SRSF11: variants seen among roughly 807,000 people sequenced by gnomAD.
SRSF11 encodes serine and arginine rich splicing factor 11.
In SRSF11, 9 loss-of-function variants were observed where a neutral mutation model predicts 56.0. That is an observed-to-expected ratio of 0.16 (90% CI 0.10 to 0.28). SRSF11 has a LOEUF of 0.28. SRSF11 is among the 10% of genes least tolerant of loss of function. The probability of loss-of-function intolerance (pLI) is 1.00; values close to 1 mark genes in which losing one functional copy is unlikely to be tolerated. For missense variants in SRSF11, 421 were observed against 600.7 expected (o/e 0.70, Z 3.13); for synonymous variants, 222 against 215.3 (o/e 1.03, Z -0.27).
intron 5 of SRSF11, among the ~76,000 whole-genome samples, chr1:70,236,123 G>A (rs959173238): frequency 4.6e-5 from 7 of 152,136 alleles, no homozygotes; most frequent in South Asian, 2.1e-4. Context: ...GGACAGAATC[G>A]TTGGACTTCA....
At chr1:70,250,153 GT>G in intron 10 of SRSF11, 106 bp downstream of exon 10, 4 of 1,282,576 alleles carry the variant, frequency 3.1e-6, no homozygotes, top group Admixed American at 2.1e-5. Flanking sequence ...TCTTAAGAAT[GT>G]TTTAATGTAT....
In SRSF11 at chr1:70,251,002, T is replaced by G; in HGVS notation, c.*197T>G. The G allele has an allele frequency of 1.9e-6, 1 of 528,586 alleles. No homozygotes were observed. Among genetic ancestry groups the G allele is most frequent in the Non-Finnish European group, 3.4e-6 (1 of 298,456 alleles). The allele number at this position is 528,586 out of a possible 1,614,324, so 32.7% of individuals were successfully genotyped here. On this transcript the variant is annotated 3_prime_UTR_variant, in exon 12 of 12. Transcript: ENST00000370949. Reference sequence around the variant, plus strand: ...AAAATGGTACGAGGTAACCAATTCTTGTCATGGTGAAATCTGATTGAGTAA... The same window carrying G: ...AAAATGGTACGAGGTAACCAATTCTGGTCATGGTGAAATCTGATTGAGTAA...
At chr1:70,218,170 A>G (rs185927734), upstream of SRSF11, among the ~76,000 whole-genome samples, 1,238 of 152,124 alleles carry the variant, frequency 8.1e-3, 22 homozygotes, top group African/African-American at 0.029. Context: ...GGGTTTCACC[A>G]TGTTAGCCAG....
intron 1 of SRSF11, among the ~76,000 whole-genome samples, chr1:70,210,062 ATTCT>A (rs1406837275): frequency 1.3e-5 from 2 of 151,998 alleles, no homozygotes; most frequent in East Asian, 1.9e-4. Flanking sequence ...GCATTTGTAT[ATTCT>A]TTGTTTTCTC....
chr1:70,247,195 C>G, intron 9 of SRSF11: 4 of 756,128 alleles, frequency 5.3e-6, no homozygotes, highest in Middle Eastern at 5.7e-4. Flanking sequence ...CTAAACCATA[C>G]TGAATTGTTC....
intron 2 of SRSF11, chr1:70,231,252 C>T (rs1216430645): frequency 8.3e-7 from 1 of 1,198,378 alleles, no homozygotes; most frequent in African/African-American, 1.6e-5. Context: ...TACAGAAATA[C>T]TACTGGTATT....
chr1:70,231,765 G>A, intron 2 of SRSF11: 7 of 1,272,078 alleles, frequency 5.5e-6, no homozygotes, highest in Non-Finnish European at 6.1e-6. Flanking sequence ...TATGGTAGGT[G>A]TAAAAGAAAA....
chr1:70,207,992 A>G (rs1571535363), intron 1 of SRSF11, among the ~76,000 whole-genome samples: 1 of 152,222 alleles, frequency 6.6e-6, no homozygotes, highest in Non-Finnish European at 1.5e-5. Flanking sequence ...GATTACAGGC[A>G]TGAGCCACCT....
intron 1 of SRSF11, among the ~76,000 whole-genome samples, chr1:70,209,445 T>G (rs1669340048): frequency 6.6e-6 from 1 of 152,222 alleles, no homozygotes; most frequent in Non-Finnish European, 1.5e-5. Flanking sequence ...TTCAGAATAT[T>G]GCCTTATGTA....
chr1:70,207,006 T>C (rs1669103413), intron 1 of SRSF11, among the ~76,000 whole-genome samples: 2 of 150,008 alleles, frequency 1.3e-5, no homozygotes, highest in African/African-American at 4.9e-5. Flanking sequence ...TTCTCCTGCC[T>C]CAGCCTCTCC....
chr1:70,247,270 C>A, intron 9 of SRSF11: 1 of 242,842 alleles, frequency 4.1e-6, no homozygotes, highest in Non-Finnish European at 6.7e-6. Context: ...GAGAATTTTT[C>A]TATCCCTTTT....
chr1:70,231,873 C>T (rs527889651), intron 2 of SRSF11: 7 of 1,493,816 alleles, frequency 4.7e-6, no homozygotes, highest in African/African-American at 2.8e-5. Context: ...GCAGCCGACA[C>T]GAGTCGTTGT....
At chr1:70,240,813 T>C (rs1336107403) in intron 7 of SRSF11, among the ~76,000 whole-genome samples, 1 of 151,262 alleles carries the variant, frequency 6.6e-6, no homozygotes, top group Admixed American at 6.6e-5. Context: ...CTCACTCTTG[T>C]TGCCCAGCCT....
At chr1:70,236,598 G>A (rs1674100749) in intron 5 of SRSF11, among the ~76,000 whole-genome samples, 1 of 151,400 alleles carries the variant, frequency 6.6e-6, no homozygotes, top group African/African-American at 2.4e-5. Context: ...CCAAAGTGCT[G>A]GGCTTACAGG....
At chr1:70,246,217 C>T (rs1676718077) in intron 8 of SRSF11, among the ~76,000 whole-genome samples, 1 of 150,944 alleles carries the variant, frequency 6.6e-6, no homozygotes, top group Admixed American at 6.6e-5. Context: ...GAATGATGAT[C>T]TTGGGGAAAA....
intron 2 of SRSF11, chr1:70,230,988 T>C: frequency 1.6e-6 from 2 of 1,266,652 alleles, no homozygotes; most frequent in Admixed American, 2.5e-5. Flanking sequence ...ATAACAGTGC[T>C]GTGTAGTATA....
In SRSF11 at chr1:70,250,029, G is replaced by A. The variant is rs780814569; in HGVS notation, c.1100G>A (p.Arg367His). Residue 367 changes from arginine to histidine, a missense_variant, in exon 10 of 12, where the codon CGC becomes CAC. Around this residue, in one of 2 missense-constraint regions of SRSF11, gnomAD observed 253 missense variants for 305.8 expected, o/e 0.83. Coordinates refer to ENST00000370949, the MANE Select transcript of SRSF11 (RefSeq NM_001350605.2). Reference protein sequence around the residue: ...KPRSPKRKLSRSPSPRRHKKE... With the variant: ...KPRSPKRKLSHSPSPRRHKKE... ...CGGTCTCCTAAAAGAAAATTGTCCC[G>A]CTCACCATCCCCTAGGAGGTAAGAA... is the stretch of plus-strand genomic sequence containing the variant. The A allele has an allele frequency of 2.4e-5, 38 of 1,613,366 alleles. 1 individual carries two copies. The highest frequency in any genetic ancestry group is 1.7e-4 in the Middle Eastern group (1 of 6,022).
intron 8 of SRSF11, among the ~76,000 whole-genome samples, chr1:70,245,170 C>G (rs1418057175): frequency 6.6e-6 from 1 of 152,100 alleles, no homozygotes; most frequent in African/African-American, 2.4e-5. Flanking sequence ...TAGTATGCCC[C>G]CAGTCATTTA....
intron 1 of SRSF11, among the ~76,000 whole-genome samples, chr1:70,226,156 G>A (rs775490454): frequency 1.5e-4 from 22 of 151,252 alleles, no homozygotes; most frequent in South Asian, 2.1e-4. Context: ...GTGCCATTGC[G>A]CTCCAGCCTG....
Sources: gnomAD v4.1 joint callset for allele counts (sites outside exome capture counted in the v4.1 genomes callset) on GRCh38, gnomAD v4.1.1 for gene constraint, gnomAD v4.1.1 regional missense constraint, MANE v1.5 for transcripts, NCBI Gene and HGNC (gene_info 2026-07-23, HGNC 2026-07-21) for gene names.